Variants in JHY observed in about 807,000 individuals in gnomAD.
The protein encoded by JHY is jhy protein homolog.
In JHY, 69 loss-of-function variants were observed where a neutral mutation model predicts 78.0. The ratio of observed to expected loss-of-function variants is 0.88; its 90% CI spans 0.73 to 1.08. The LOEUF (loss-of-function observed/expected upper bound fraction) is 1.08, where lower values mean the gene tolerates loss of function less well. Ranked by LOEUF, JHY falls within the 50% of genes least tolerant of loss-of-function variation. The pLI, the probability that JHY is intolerant of heterozygous loss-of-function variation, is 0.00. For synonymous variants in JHY, 368 were observed against 342.6 expected, an observed-to-expected ratio of 1.07 and a Z score of -0.82; for missense variants, 944 against 927.8, an observed-to-expected ratio of 1.02 and a Z score of -0.23.
chr11:122,927,471 T>A (rs530828343), intron 4 of JHY, among the ~76,000 whole-genome samples: 6 of 152,306 alleles, frequency 3.9e-5, no homozygotes, highest in African/African-American at 1.4e-4. Flanking sequence ...CACTGCATGC[T>A]ACACACCAGC....
intron 4 of JHY, among the ~76,000 whole-genome samples, chr11:122,930,028 G>A (rs1863603677): frequency 1.3e-5 from 2 of 152,122 alleles, no homozygotes; most frequent in South Asian, 4.1e-4. Context: ...AGAGACCAGT[G>A]CAGTCTACAC....
intron 5 of JHY, among the ~76,000 whole-genome samples, chr11:122,941,399 A>G (rs1863872747): frequency 6.6e-6 from 1 of 152,180 alleles, no homozygotes; most frequent in Admixed American, 6.5e-5. Context: ...TTTTTCCAAC[A>G]GTGAAAACCT....
chr11:122,942,703 C>T (rs1185191032), intron 5 of JHY, among the ~76,000 whole-genome samples: 9 of 152,180 alleles, frequency 5.9e-5, no homozygotes, highest in Non-Finnish European at 1.2e-4. Flanking sequence ...AGATTACAGG[C>T]ATGAGCCAAC....
intron 5 of JHY, among the ~76,000 whole-genome samples, chr11:122,944,304 A>G (rs1402124987): frequency 4.6e-5 from 7 of 152,104 alleles, no homozygotes; most frequent in Non-Finnish European, 1.0e-4. Flanking sequence ...TACTTTCTCT[A>G]TACTTCTCTA....
intron 3 of JHY, among the ~76,000 whole-genome samples, chr11:122,915,210 A>G (rs1427111665): frequency 6.6e-6 from 1 of 152,226 alleles, no homozygotes; most frequent in Non-Finnish European, 1.5e-5. Flanking sequence ...GTAGTAAAGT[A>G]AAAAGCTATG....
At chr11:122,957,102 G>A (rs539772502) in intron 7 of JHY, among the ~76,000 whole-genome samples, 8 of 152,282 alleles carry the variant, frequency 5.3e-5, no homozygotes, top group Admixed American at 5.2e-4. Flanking sequence ...CAACAAAGAA[G>A]GTTCTGAATG....
chr11:122,903,720 G>A (rs1316363881), intron 2 of JHY, among the ~76,000 whole-genome samples: 1 of 152,058 alleles, frequency 6.6e-6, no homozygotes, highest in Non-Finnish European at 1.5e-5. Flanking sequence ...TGCTTCAAGC[G>A]ATCCTCCTGC....
chr11:122,943,488 G>A (rs577271060), intron 5 of JHY, among the ~76,000 whole-genome samples: 3 of 152,068 alleles, frequency 2.0e-5, no homozygotes, highest in Non-Finnish European at 4.4e-5. Flanking sequence ...GGTCTTTTAA[G>A]TCTTCTATAG....
At chr11:122,900,511 C>CTTTTTTTTTT (rs374998954) in intron 2 of JHY, among the ~76,000 whole-genome samples, 8 of 65,090 alleles carry the variant, frequency 1.2e-4, no homozygotes, top group South Asian at 8.8e-4. Flanking sequence ...ATACTACCAG[C>CTTTTTTTTTT]TTTTTTTTTT....
At chr11:122,950,041 C>T (rs909348927) in intron 6 of JHY, among the ~76,000 whole-genome samples, 3 of 151,978 alleles carry the variant, frequency 2.0e-5, no homozygotes, top group Non-Finnish European at 4.4e-5. Flanking sequence ...ACCATGTTGG[C>T]CAGGCTGGTC....
intron 2 of JHY, among the ~76,000 whole-genome samples, chr11:122,894,641 A>T (rs1161985658): frequency 6.6e-6 from 1 of 152,186 alleles, no homozygotes; most frequent in African/African-American, 2.4e-5. Context: ...GCAATTACAA[A>T]CATGTCTTCT....
chr11:122,920,669 A>G (rs1863342378), intron 3 of JHY, among the ~76,000 whole-genome samples: 1 of 152,170 alleles, frequency 6.6e-6, no homozygotes, highest in African/African-American at 2.4e-5. Flanking sequence ...TTTCCTACCT[A>G]CAAACCCTCA....
chr11:122,955,956 A>G (rs1377878458), intron 6 of JHY, among the ~76,000 whole-genome samples: 1 of 152,144 alleles, frequency 6.6e-6, no homozygotes, highest in African/African-American at 2.4e-5. Flanking sequence ...CTAAGACTGG[A>G]CAAAATGGTA....
At chr11:122,888,745 A>C (rs2135280981) in intron 2 of JHY, among the ~76,000 whole-genome samples, 1 of 152,134 alleles carries the variant, frequency 6.6e-6, no homozygotes, top group East Asian at 1.9e-4. Flanking sequence ...GTGAGTGTGC[A>C]TCCTTCTCAC....
At chr11:122,895,867 C>T (rs975753988) in intron 2 of JHY, among the ~76,000 whole-genome samples, 14 of 152,162 alleles carry the variant, frequency 9.2e-5, no homozygotes, top group Admixed American at 8.5e-4. Flanking sequence ...TGGGGTTCTT[C>T]AGTATCATGT....
At chr11:122,903,682 G>T (rs1009612869) in intron 2 of JHY, among the ~76,000 whole-genome samples, 5 of 151,982 alleles carry the variant, frequency 3.3e-5, no homozygotes, top group Non-Finnish European at 7.4e-5. Flanking sequence ...GAGTCTCGCT[G>T]TGTTGCCCAG....
chr11:122,933,963 A>G (rs1030655889), intron 4 of JHY, among the ~76,000 whole-genome samples: 2 of 152,184 alleles, frequency 1.3e-5, no homozygotes, highest in Admixed American at 6.5e-5. Context: ...TTTTAAGTCA[A>G]AGACTTAACT....
intron 5 of JHY, among the ~76,000 whole-genome samples, chr11:122,941,988 C>G (rs767385329): frequency 6.6e-6 from 1 of 152,112 alleles, no homozygotes; most frequent in African/African-American, 2.4e-5. Context: ...TCTCCTGTCT[C>G]AGCTTCCCAA....
chr11:122,900,511 CTTTTTTTT>C (rs374998954), intron 2 of JHY, among the ~76,000 whole-genome samples: 1 of 65,098 alleles, frequency 1.5e-5, no homozygotes, highest in Non-Finnish European at 2.7e-5. Context: ...ATACTACCAG[CTTTTTTTT>C]TTTTTTTTTT....
Sources: allele counts gnomAD v4.1 joint callset (sites outside exome capture counted in the v4.1 genomes callset), GRCh38; gene constraint gnomAD v4.1.1; transcripts MANE v1.5; gene names NCBI Gene and HGNC (gene_info 2026-07-23, HGNC 2026-07-21).